The following H2BC4 variants were observed in gnomAD, a reference collection of about 807,000 sequenced individuals.
The protein encoded by H2BC4 is H2B clustered histone 4.
A neutral mutation model predicts 6.2 loss-of-function variants in H2BC4; 10 were observed. The observed-to-expected ratio is 1.61, with a 90% CI of 0.99 to 2.73. The LOEUF (loss-of-function observed/expected upper bound fraction) is 2.73, where lower values mean the gene tolerates loss of function less well. H2BC4 is among the 30% of genes most tolerant of loss of function. The probability of loss-of-function intolerance (pLI) is 0.00; values close to 1 mark genes in which losing one functional copy is unlikely to be tolerated. For synonymous variants in H2BC4, 146 were observed against 70.7 expected (o/e 2.07, Z -5.35); for missense variants, 176 against 168.7 (o/e 1.04, Z -0.24).
downstream of H2BC4, chr6:26,123,217 C>T (rs1763531892): frequency 4.6e-6 from 2 of 433,536 alleles, no homozygotes; most frequent in Non-Finnish European, 4.1e-6. Flanking sequence ...GGTCTGAAAC[C>T]TAAGCGAGCC....
Position 26,123,869 on chromosome 6 carries a change from C to T in H2BC4, c.36G>A (p.Lys12=), listed in dbSNP as rs1457328255. The T allele has an allele frequency of 2.5e-6, 4 of 1,614,212 alleles. No homozygotes were observed. Among genetic ancestry groups the T allele is most frequent in the African/African-American group, 1.3e-5 (1 of 75,060 alleles). The part of the protein sequence containing the change: ...PEPAKSAPAP[K]KGSKKAVTKA... ...TGGTCACTGCCTTCTTGGAGCCCTTCTTCGGGGCGGGAGCAGACTTGGCTG... is the reference window on the plus strand; with the variant it reads ...TGGTCACTGCCTTCTTGGAGCCCTTTTTCGGGGCGGGAGCAGACTTGGCTG... Residue 12 remains lysine (K), a synonymous_variant, in exon 1 of 1, where the codon AAG becomes AAA. Coordinates refer to ENST00000396984, the MANE Select transcript of H2BC4 (RefSeq NM_003526.3).
At position 26,123,763 on chromosome 6, in the gene H2BC4, G is replaced by A. The variant is rs752097717; in HGVS notation, c.142C>T (p.Gln48Ter). Residue 48 changes from glutamine (Q) to a stop codon, truncating the protein, a stop_gained, in exon 1 of 1, where the codon CAG becomes TAG. Coordinates refer to ENST00000396984, the MANE Select transcript of H2BC4 (RefSeq NM_003526.3). LOFTEE classifies it high-confidence loss of function. Reference protein sequence around the residue: ...YSVYVYKVLKQVHPDTGISSK... With the variant: ...YSVYVYKVLK The stretch of plus-strand genomic sequence containing the variant: ...GAGATGCCAGTGTCGGGATGGACCT[G>A]TTTCAGCACCTTGTACACGTACACA... 1 of 1,614,252 alleles carries A rather than the reference G, an allele frequency of 6.2e-7. No homozygotes were observed. Among genetic ancestry groups the A allele is most frequent in the Non-Finnish European group, 8.5e-7 (1 of 1,180,044 alleles).
At chr6:26,123,381 C>T, downstream of H2BC4, 4 of 1,387,512 alleles carry the variant, frequency 2.9e-6, no homozygotes, top group Non-Finnish European at 3.9e-6. Context: ...ACACTTGTCC[C>T]CACCCCTCTC....
At chr6:26,122,268 T>C (rs899224062), downstream of H2BC4, among the ~76,000 whole-genome samples, 1 of 152,192 alleles carries the variant, frequency 6.6e-6, no homozygotes, top group African/African-American at 2.4e-5. Context: ...ACAGTCCTTA[T>C]GTTAAATAAC....
At chr6:26,113,244 A>G (rs1203622209), downstream of H2BC4, among the ~76,000 whole-genome samples, 1 of 152,234 alleles carries the variant, frequency 6.6e-6, no homozygotes, top group Non-Finnish European at 1.5e-5. Flanking sequence ...CACCTGTTTC[A>G]CCACATATAC....
chr6:26,123,471 T>A lies in H2BC4; in HGVS notation c.*53A>T. The A allele has an allele frequency of 8.1e-6, 13 of 1,609,156 alleles. No individual in the cohort carries two copies. In the South Asian group the frequency reaches 1.2e-4, roughly 15 times the overall value. Reference sequence around the variant, plus strand: ...ACAGCTCTTTTAGTGGGTATCTGGGTGGCTCTTAAAAGAGCCTTTGGGGTT... The same window carrying A: ...ACAGCTCTTTTAGTGGGTATCTGGGAGGCTCTTAAAAGAGCCTTTGGGGTT... On this transcript the variant is annotated 3_prime_UTR_variant, in exon 1 of 1. Transcript: ENST00000396984.
chr6:26,113,276 G>T (rs1344748424), downstream of H2BC4, among the ~76,000 whole-genome samples: 3 of 152,154 alleles, frequency 2.0e-5, no homozygotes, highest in Non-Finnish European at 4.4e-5. Context: ...AGACTATAAG[G>T]ATATCATTAA....
At chr6:26,122,072 GA>G (rs1203144098), downstream of H2BC4, among the ~76,000 whole-genome samples, 4 of 129,824 alleles carry the variant, frequency 3.1e-5, no homozygotes, top group East Asian at 4.3e-4. Flanking sequence ...AAAAAAAAAA[GA>G]AAAAAAAATT....
downstream of H2BC4, among the ~76,000 whole-genome samples, chr6:26,120,395 G>A (rs2113796452): frequency 6.6e-6 from 1 of 151,868 alleles, no homozygotes; most frequent in African/African-American, 2.4e-5. Flanking sequence ...GTTGCAGTGA[G>A]CCGAGATTGT....
chr6:26,117,531 C>A (rs946129416), intron 1 of H2BC4, among the ~76,000 whole-genome samples: 1 of 152,136 alleles, frequency 6.6e-6, no homozygotes, highest in Non-Finnish European at 1.5e-5. Context: ...CAGTGCTGTG[C>A]AGCCATTTTA....
At chr6:26,117,972 A>G (rs957919367) in intron 1 of H2BC4, among the ~76,000 whole-genome samples, 4 of 152,202 alleles carry the variant, frequency 2.6e-5, no homozygotes, top group African/African-American at 9.7e-5. Flanking sequence ...GTGCAGCACT[A>G]TGGCTATCTC....
At chr6:26,123,226 C>T (rs1006856017), downstream of H2BC4, 1 of 450,672 alleles carries the variant, frequency 2.2e-6, no homozygotes, top group East Asian at 4.4e-5. Context: ...CCTAAGCGAG[C>T]CTGCGGTTTC....
At chr6:26,113,658 G>A (rs1763386277), downstream of H2BC4, among the ~76,000 whole-genome samples, 1 of 151,984 alleles carries the variant, frequency 6.6e-6, no homozygotes, top group Non-Finnish European at 1.5e-5. Flanking sequence ...TTGTTGGCTT[G>A]GGCTGCCATA....
At chr6:26,116,422 G>A (rs707897) in intron 1 of H2BC4, among the ~76,000 whole-genome samples, 2,068 of 152,266 alleles carry the variant, frequency 0.014, 52 homozygotes, top group African/African-American at 0.047. Context: ...GCGGGGTACA[G>A]TGACTCACAC....
At chr6:26,115,898 G>C (rs1763411664) in intron 1 of H2BC4, among the ~76,000 whole-genome samples, 1 of 152,102 alleles carries the variant, frequency 6.6e-6, no homozygotes, top group Non-Finnish European at 1.5e-5. Flanking sequence ...AACAACAAAA[G>C]GGGCACATTT....
Position 26,117,143 on chromosome 6 carries a change from C to T in H2BC4, c.*10-2008G>A, listed in dbSNP as rs191190013. ...GTGTATTTTTTCTCAACCTGTTGGA[C>T]CCCGGTAAACATACTATGATCAACT... On this transcript the variant is annotated intron_variant, in intron 1 of 1. Transcript: ENST00000314332. Among the ~76,000 whole-genome samples the T allele has an allele frequency of 1.0e-3, 157 of 152,128 alleles. 1 individual carries two copies. The highest frequency in any genetic ancestry group is 1.4e-3 in the Non-Finnish European group (97 of 68,000).
At chr6:26,119,569 T>TAA (rs1197687018), downstream of H2BC4, among the ~76,000 whole-genome samples, 3 of 152,236 alleles carry the variant, frequency 2.0e-5, no homozygotes, top group Admixed American at 1.3e-4. Flanking sequence ...CTATTATCAT[T>TAA]TAATTTGGTT....
chr6:26,118,399 G>GC lies in H2BC4; in HGVS notation c.*10-3265dup, dbSNP rs563639005. 2.2e-3 allele frequency among the ~76,000 whole-genome samples: 328 copies of GC among 152,236 alleles called. 1 individual carries two copies. The highest frequency in any genetic ancestry group is 7.7e-3 in the African/African-American group (320 of 41,528). ...ATTGATTATTTTGACTCAAATGTGG[G>GC]CCACAGGCAGAAATAAATTTTCTAG... On this transcript the variant is annotated intron_variant, in intron 1 of 1. Coordinates refer to the H2BC4 transcript ENST00000314332.
chr6:26,114,390 A>G (rs1247647553), downstream of H2BC4, among the ~76,000 whole-genome samples: 1 of 151,474 alleles, frequency 6.6e-6, no homozygotes, highest in South Asian at 2.1e-4. Context: ...TGTAATTTCA[A>G]TTTTTTTTTC....
Sources: allele counts gnomAD v4.1 joint callset (sites outside exome capture counted in the v4.1 genomes callset), GRCh38; gene constraint gnomAD v4.1.1; transcripts MANE v1.5; gene names NCBI Gene and HGNC (gene_info 2026-07-23, HGNC 2026-07-21).